Variants in ST7L observed in about 807,000 individuals in gnomAD.
The protein encoded by ST7L is suppression of tumorigenicity 7 like.
In ST7L, 57 loss-of-function variants were observed where a neutral mutation model predicts 72.5. The observed-to-expected ratio is 0.79, with a 90% confidence interval of 0.64 to 0.98. The LOEUF is 0.98. ST7L is among the 50% of genes least tolerant of loss of function. The pLI, the probability that ST7L is intolerant of heterozygous loss-of-function variation, is 0.00. For synonymous variants in ST7L, 221 were observed against 240.9 expected, an observed-to-expected ratio of 0.92 and a Z score of 0.77; for missense variants, 576 against 672.2, an observed-to-expected ratio of 0.86 and a Z score of 1.58.
downstream of ST7L, chr1:112,521,022 G>A (rs1436672794): frequency 6.4e-6 from 1 of 156,760 alleles, no homozygotes; most frequent in Non-Finnish European, 1.4e-5. Context: ...ATTATTGAGA[G>A]CCTGAGATGT....
chr1:112,535,279 G>A (rs567084209), intron 14 of ST7L, among the ~76,000 whole-genome samples: 1 of 152,126 alleles, frequency 6.6e-6, no homozygotes. Flanking sequence ...GGCTGAGGTG[G>A]GCATATGGTT....
At chr1:112,562,647 G>C (rs556862056) in intron 11 of ST7L, among the ~76,000 whole-genome samples, 2 of 152,276 alleles carry the variant, frequency 1.3e-5, no homozygotes, top group East Asian at 3.9e-4. Flanking sequence ...CCAGGGAACA[G>C]TGACAATGAA....
chr1:112,541,765 C>T (rs1473816145), intron 14 of ST7L, 186 bp downstream of exon 14: 60 of 1,308,078 alleles, frequency 4.6e-5, no homozygotes, highest in Admixed American at 3.7e-5. Flanking sequence ...TTTTAAGCAA[C>T]AGAAGTAGCT....
At chr1:112,579,452 A>C (rs1663757701) in intron 9 of ST7L, among the ~76,000 whole-genome samples, 2 of 151,742 alleles carry the variant, frequency 1.3e-5, no homozygotes, top group East Asian at 3.9e-4. Flanking sequence ...GGCATGGTAT[A>C]ATTAGAACTA....
chr1:112,563,195 G>A (rs1231486659), intron 11 of ST7L, among the ~76,000 whole-genome samples: 1 of 152,010 alleles, frequency 6.6e-6, no homozygotes, highest in Non-Finnish European at 1.5e-5. Context: ...GGCTAGATCT[G>A]AAAAACATTT....
Position 112,591,598 on chromosome 1 carries a change from G to A in ST7L, c.628C>T (p.Gln210Ter). ...DFLRPSDTVM[Q>*]KAWRERNPPA... ...GGATTTCTTTCCCTCCAAGCCTTCTGCATAACTGTAGAAAAAAATTCCATA... is the reference window on the plus strand; with the variant it reads ...GGATTTCTTTCCCTCCAAGCCTTCTACATAACTGTAGAAAAAAATTCCATA... The change falls in exon 6 of 15, where the codon CAG becomes TAG. Residue 210 changes from glutamine (Q) to a stop codon, truncating the protein, a stop_gained. Transcript: ENST00000358039. LOFTEE classifies it high-confidence loss of function. The A allele has an allele frequency of 6.2e-7, 1 of 1,604,864 alleles. No individual in the cohort carries two copies. Among genetic ancestry groups the A allele is most frequent in the Non-Finnish European group, 8.5e-7 (1 of 1,177,466 alleles).
intron 11 of ST7L, among the ~76,000 whole-genome samples, chr1:112,558,985 T>C (rs991190200): frequency 2.6e-5 from 4 of 152,184 alleles, no homozygotes; most frequent in African/African-American, 4.8e-5. Flanking sequence ...ATAAAAAGAA[T>C]ACTGAGTTTT....
chr1:112,548,061 T>C (rs2101510592), intron 13 of ST7L, among the ~76,000 whole-genome samples: 1 of 152,206 alleles, frequency 6.6e-6, no homozygotes, highest in East Asian at 1.9e-4. Context: ...TTATAAGAGA[T>C]ACAGGAACAA....
intron 11 of ST7L, among the ~76,000 whole-genome samples, chr1:112,570,323 G>A (rs921659956): frequency 3.3e-5 from 5 of 151,772 alleles, no homozygotes; most frequent in Middle Eastern, 3.2e-3. Context: ...ATACCTAAAA[G>A]CAAATTCATT....
intron 4 of ST7L, among the ~76,000 whole-genome samples, chr1:112,599,074 A>AAAATATATC (rs1491089641): frequency 2.5e-5 from 1 of 40,278 alleles, no homozygotes; most frequent in Non-Finnish European, 4.8e-5. Flanking sequence ...AAAAAAAAAA[A>AAAATATATC]TATATATATA....
rs1653324346 is a variant in ST7L, at chr1:112,526,106, C to T, written c.1635G>A (p.Leu545=). ...CCCAGGGTTGGGGGCACCAGAGTCCCAGCACCTTCAAAACAGAAATTGATA... is the reference window on the plus strand; with the variant it reads ...CCCAGGGTTGGGGGCACCAGAGTCCTAGCACCTTCAAAACAGAAATTGATA... The part of the protein sequence containing the change: ...EIMGIFAKAV[L]GLWCPQPWAS... Residue 545 remains leucine, a synonymous_variant, in exon 15 of 15, where the codon CTG becomes CTA. Coordinates refer to ENST00000358039, the MANE Select transcript of ST7L (RefSeq NM_017744.5). 1.2e-6 allele frequency: 2 copies of T among 1,614,122 alleles called. No individual in the cohort carries two copies. The highest frequency in any genetic ancestry group is 3.3e-5 in the Admixed American group (2 of 60,022).
intron 3 of ST7L, chr1:112,607,023 A>G (rs925017152): frequency 6.6e-6 from 1 of 152,208 alleles, no homozygotes; most frequent in Non-Finnish European, 1.5e-5. Flanking sequence ...CTATTAAAAT[A>G]TTTTTAAATT....
chr1:112,529,954 T>C (rs1654104691), intron 14 of ST7L: 1 of 152,094 alleles, frequency 6.6e-6, no homozygotes, highest in South Asian at 2.1e-4. Context: ...CCCAGAAATA[T>C]GAATGTGCCT....
At chr1:112,521,503 G>A (rs527472917), downstream of ST7L, 1 of 152,328 alleles carries the variant, frequency 6.6e-6, no homozygotes, top group African/African-American at 2.4e-5. Context: ...GGGATCTCTG[G>A]CTTTGGTAAT....
intron 11 of ST7L, among the ~76,000 whole-genome samples, chr1:112,566,120 T>G (rs928134977): frequency 7.9e-5 from 12 of 152,134 alleles, no homozygotes; most frequent in African/African-American, 2.9e-4. Context: ...TCTAATTTCA[T>G]CAGAAGGCAT....
intron 10 of ST7L, among the ~76,000 whole-genome samples, 191 bp from the exon 11 acceptor site, chr1:112,577,279 A>G (rs1250018782): frequency 6.6e-6 from 1 of 151,526 alleles, no homozygotes; most frequent in East Asian, 1.9e-4. Flanking sequence ...TTGTAATCCC[A>G]GCACTTTGGG....
chr1:112,548,172 TG>T (rs1360744802), intron 13 of ST7L, among the ~76,000 whole-genome samples: 1 of 151,998 alleles, frequency 6.6e-6, no homozygotes, highest in Non-Finnish European at 1.5e-5. Flanking sequence ...CTGGCCACCA[TG>T]GTGAAACCCT....
chr1:112,526,115 C>T lies in ST7L; in HGVS notation c.1630-4G>A, dbSNP rs369053015. 1 of 1,614,010 alleles carries T rather than the reference C, an allele frequency of 6.2e-7. No homozygotes were observed. Among genetic ancestry groups the T allele is most frequent in the South Asian group, 1.1e-5 (1 of 91,070 alleles). On this transcript the variant is annotated splice_region_variant and splice_polypyrimidine_tract_variant and intron_variant, in intron 14 of 14. Coordinates refer to ENST00000358039, the MANE Select transcript of ST7L (RefSeq NM_017744.5). ...GGGGGCACCAGAGTCCCAGCACCTT[C>T]AAAACAGAAATTGATACAAAATGTT...
chr1:112,558,280 T>A (rs1659521318), intron 11 of ST7L, among the ~76,000 whole-genome samples: 1 of 152,184 alleles, frequency 6.6e-6, no homozygotes, highest in Non-Finnish European at 1.5e-5. Context: ...AAATTCTAGT[T>A]CCTCAGGTTG....
Sources: gnomAD v4.1 joint callset for allele counts (sites outside exome capture counted in the v4.1 genomes callset) on GRCh38, gnomAD v4.1.1 for gene constraint, MANE v1.5 for transcripts, NCBI Gene and HGNC (gene_info 2026-07-23, HGNC 2026-07-21) for gene names.